The following RABGAP1L variants were observed in gnomAD, a reference collection of about 807,000 sequenced individuals.
The protein encoded by RABGAP1L is rab GTPase-activating protein 1-like.
RABGAP1L carries 63 observed loss-of-function variants against 137.7 expected under a neutral mutation model. The observed-to-expected ratio is 0.46, with a 90% CI of 0.37 to 0.56. The LOEUF is 0.56. Ranked by LOEUF, RABGAP1L falls within the 20% of genes least tolerant of loss-of-function variation. RABGAP1L has a pLI of 0.00. For synonymous variants in RABGAP1L, 431 were observed against 433.7 expected, an observed-to-expected ratio of 0.99 and a Z score of 0.08; for missense variants, 1,095 against 1,244.0, an observed-to-expected ratio of 0.88 and a Z score of 1.80.
At chr1:174,772,460 C>T (rs1686189560) in intron 18 of RABGAP1L, among the ~76,000 whole-genome samples, 1 of 147,174 alleles carries the variant, frequency 6.8e-6, no homozygotes, top group Admixed American at 6.9e-5. Context: ...CCTGGCTACT[C>T]AGGAGACTGA....
At chr1:174,958,165 A>G (rs1176988755) in intron 20 of RABGAP1L, 2 of 1,448,034 alleles carry the variant, frequency 1.4e-6, no homozygotes, top group Non-Finnish European at 1.8e-6. Flanking sequence ...AAAAATAAAA[A>G]TCACAAAGGT....
At chr1:174,823,017 C>A (rs1691203505) in intron 19 of RABGAP1L, among the ~76,000 whole-genome samples, 4 of 152,116 alleles carry the variant, frequency 2.6e-5, no homozygotes, top group Admixed American at 2.6e-4. Flanking sequence ...AAATAGTAAA[C>A]CATAGGAATA....
chr1:174,953,349 C>T (rs1668024743), intron 19 of RABGAP1L, among the ~76,000 whole-genome samples: 2 of 152,150 alleles, frequency 1.3e-5, no homozygotes, highest in Admixed American at 1.3e-4. Flanking sequence ...CGTCTGAGGC[C>T]AGCATGGCTA....
At chr1:174,684,886 T>TGG (rs1324051014) in intron 15 of RABGAP1L, among the ~76,000 whole-genome samples, 1 of 152,036 alleles carries the variant, frequency 6.6e-6, no homozygotes, top group African/African-American at 2.4e-5. Context: ...GAGGCTGAAG[T>TGG]GGGAGGACCA....
At chr1:174,785,724 A>C (rs906192591) in intron 18 of RABGAP1L, among the ~76,000 whole-genome samples, 1 of 152,214 alleles carries the variant, frequency 6.6e-6, no homozygotes. Context: ...GCTCACTCTC[A>C]TGTCTATAAC....
chr1:174,677,282 A>C (rs1677709448), intron 14 of RABGAP1L, among the ~76,000 whole-genome samples: 1 of 152,126 alleles, frequency 6.6e-6, no homozygotes, highest in Non-Finnish European at 1.5e-5. Context: ...ACAGAGGGAG[A>C]CCTGTCTCAA....
chr1:174,969,205 T>C (rs1264136625), intron 20 of RABGAP1L, 72 bp from the exon 21 acceptor site: 4 of 1,181,224 alleles, frequency 3.4e-6, no homozygotes, highest in Admixed American at 2.1e-5. Context: ...TTGCTTGTTT[T>C]TCCTCACCAG....
At chr1:174,601,840 A>G (rs1670436624) in intron 13 of RABGAP1L, among the ~76,000 whole-genome samples, 1 of 152,122 alleles carries the variant, frequency 6.6e-6, no homozygotes, top group Non-Finnish European at 1.5e-5. Context: ...TCTCAAGTTC[A>G]AAGTTCCACA....
At chr1:174,660,596 C>A (rs185771348) in intron 14 of RABGAP1L, among the ~76,000 whole-genome samples, 1 of 152,146 alleles carries the variant, frequency 6.6e-6, no homozygotes, top group African/African-American at 2.4e-5. Flanking sequence ...TACATTCTTA[C>A]GGTGATTTAC....
chr1:174,411,967 A>G (rs1174982126), intron 13 of RABGAP1L, among the ~76,000 whole-genome samples: 2 of 152,044 alleles, frequency 1.3e-5, no homozygotes, highest in African/African-American at 2.4e-5. Context: ...GTTGATGGGT[A>G]GAGTATCCCG....
intron 17 of RABGAP1L, among the ~76,000 whole-genome samples, chr1:174,706,301 A>G (rs1680041577): frequency 6.6e-6 from 1 of 152,164 alleles, no homozygotes; most frequent in Non-Finnish European, 1.5e-5. Flanking sequence ...ATATGATAAC[A>G]TGGGTTAGTT....
intron 19 of RABGAP1L, among the ~76,000 whole-genome samples, chr1:174,836,404 C>G (rs1281015407): frequency 6.6e-6 from 1 of 152,168 alleles, no homozygotes; most frequent in Non-Finnish European, 1.5e-5. Context: ...GTAGCTATTT[C>G]TTTCCACCTG....
chr1:174,463,816 T>A (rs12089182), intron 13 of RABGAP1L, among the ~76,000 whole-genome samples: 58,894 of 146,088 alleles, frequency 0.4, 14,410 homozygotes, highest in African/African-American at 0.7. Context: ...GTAAAAAAAA[T>A]AATAATAATA....
intron 17 of RABGAP1L, among the ~76,000 whole-genome samples, chr1:174,731,795 C>T (rs1242188601): frequency 6.6e-6 from 1 of 152,244 alleles, no homozygotes; most frequent in Non-Finnish European, 1.5e-5. Context: ...TTCCTTGCTA[C>T]ATCTTCTGAG....
At chr1:174,367,562 C>G (rs904488919) in intron 11 of RABGAP1L, 3 of 248,340 alleles carry the variant, frequency 1.2e-5, no homozygotes, top group Non-Finnish European at 2.4e-5. Context: ...GTTATTTTTT[C>G]TGTTTAGCTG....
At chr1:174,645,066 T>C (rs1674838926) in intron 14 of RABGAP1L, among the ~76,000 whole-genome samples, 2 of 152,084 alleles carry the variant, frequency 1.3e-5, no homozygotes, top group Admixed American at 1.3e-4. Flanking sequence ...TTTTAGATGC[T>C]CTTGTTACAC....
intron 15 of RABGAP1L, among the ~76,000 whole-genome samples, chr1:174,697,998 A>G (rs1365789561): frequency 1.3e-5 from 2 of 152,254 alleles, no homozygotes. Context: ...GTGGTTTATA[A>G]TTAGAAAATA....
chr1:174,645,640 C>T (rs1674907626), intron 14 of RABGAP1L, among the ~76,000 whole-genome samples: 1 of 152,062 alleles, frequency 6.6e-6, no homozygotes, highest in South Asian at 2.1e-4. Context: ...TTGGGTTGGT[C>T]CAAGTTTTTG....
intron 19 of RABGAP1L, among the ~76,000 whole-genome samples, chr1:174,819,187 T>TAAAAAAAAAAAAAAA (rs71299431): frequency 8.9e-5 from 4 of 44,872 alleles, no homozygotes; most frequent in African/African-American, 8.6e-5. Flanking sequence ...TGCCTGTCTC[T>TAAAAAAAAAAAAAAA]AAAAAAAAAA....
Sources: gnomAD v4.1 joint callset for allele counts (sites outside exome capture counted in the v4.1 genomes callset) on GRCh38, gnomAD v4.1.1 for gene constraint, MANE v1.5 for transcripts, NCBI Gene and HGNC (gene_info 2026-07-23, HGNC 2026-07-21) for gene names.